Variants in SMIM14 observed in about 807,000 individuals in gnomAD.
SMIM14 encodes the protein small integral membrane protein 14, also known as chromosome 4 open reading frame 34.
Under a neutral mutation model 12.6 loss-of-function variants are expected in SMIM14, and 5 were observed. The ratio of observed to expected loss-of-function variants is 0.40; its 90% confidence interval spans 0.21 to 0.83. The LOEUF is 0.83. Among genes scored for constraint, SMIM14 ranks in the 40% least tolerant of loss-of-function variants. SMIM14 has a pLI of 0.37. For missense variants in SMIM14, 86 were observed against 119.1 expected (o/e 0.72, Z 1.29); for synonymous variants, 30 against 40.1 (o/e 0.75, Z 0.95).
chr4:39,623,976 T>C (rs1306665305), intron 1 of SMIM14, among the ~76,000 whole-genome samples: 2 of 152,132 alleles, frequency 1.3e-5, no homozygotes, highest in Non-Finnish European at 2.9e-5. Flanking sequence ...TTTAAAAAAA[T>C]AGAACGTATG....
intron 1 of SMIM14, among the ~76,000 whole-genome samples, chr4:39,609,089 G>T (rs1714922517): frequency 6.6e-6 from 1 of 152,104 alleles, no homozygotes; most frequent in Admixed American, 6.6e-5. Context: ...CCATTCTCCT[G>T]CCTCAGCCTC....
At chr4:39,615,699 T>A (rs1033603609) in intron 1 of SMIM14, among the ~76,000 whole-genome samples, 13 of 152,028 alleles carry the variant, frequency 8.6e-5, no homozygotes, top group Non-Finnish European at 8.8e-5. Flanking sequence ...AATGATATTT[T>A]AAAAAAATAA....
intron 1 of SMIM14, among the ~76,000 whole-genome samples, chr4:39,619,675 AT>A: frequency 8.3e-6 from 1 of 121,184 alleles, no homozygotes; most frequent in African/African-American, 3.3e-5. Context: ...AATAAATATA[AT>A]TTATTCTATA....
chr4:39,617,794 G>A (rs995450324), intron 1 of SMIM14, among the ~76,000 whole-genome samples: 69 of 152,268 alleles, frequency 4.5e-4, no homozygotes, highest in Middle Eastern at 3.4e-3. Context: ...TCTAAACAAT[G>A]AAACAGTGTA....
chr4:39,617,611 C>A (rs1304636601), intron 1 of SMIM14, among the ~76,000 whole-genome samples: 1 of 152,116 alleles, frequency 6.6e-6, no homozygotes, highest in Non-Finnish European at 1.5e-5. Context: ...TAACCATATC[C>A]CATCATCAAT....
rs1491465219 is a variant in SMIM14, at chr4:39,576,685, T to TATATATATATATATA, written c.76-4223_76-4222insTATATATATATATAT. On this transcript the variant is annotated intron_variant, in intron 2 of 4. Coordinates refer to ENST00000295958, the MANE Select transcript of SMIM14 (RefSeq NM_174921.3). ...GTATATATATATATATATATATATA[T>TATATATATATATATA]TTTTTTTTTTTTTTTTTTTTTTTTT... is the stretch of plus-strand genomic sequence containing the variant. Among the ~76,000 whole-genome samples, 40 of 4,632 alleles carry TATATATATATATATA rather than the reference T, an allele frequency of 8.6e-3. 1 individual carries two copies. Among genetic ancestry groups the TATATATATATATATA allele is most frequent in the Admixed American group, 0.015 (3 of 194 alleles). 3.0% of individuals were successfully genotyped at this position (4,632 alleles called of 152,430 possible). A position where few individuals can be genotyped will look rare whatever the true frequency, so the allele number is the denominator to read the frequency against.
intron 1 of SMIM14, 72 bp from the exon 2 acceptor site, chr4:39,605,252 C>A (rs1461063638): frequency 1.3e-6 from 1 of 785,214 alleles, no homozygotes; most frequent in Non-Finnish European, 2.0e-6. Flanking sequence ...ATGAAAAATT[C>A]TGATATTGAT....
chr4:39,619,116 A>T (rs570927769), intron 1 of SMIM14, among the ~76,000 whole-genome samples: 36 of 151,006 alleles, frequency 2.4e-4, no homozygotes, highest in African/African-American at 8.5e-4. Context: ...GAGAAAATTG[A>T]GATATAATTA....
At chr4:39,628,315 A>G (rs2109254446) in intron 1 of SMIM14, among the ~76,000 whole-genome samples, 1 of 151,878 alleles carries the variant, frequency 6.6e-6, no homozygotes, top group East Asian at 1.9e-4. Flanking sequence ...ACAAAAAAAA[A>G]AAAAAGAAAA....
rs778978991 is a variant in SMIM14 at position 39,547,090 on chromosome 4, A to G, written c.*5036T>C. ...GAAATGTGACTGCAATCTAATTTCC[A>G]AGAGAGAAACTCTACTTCTGAATAC... On this transcript the variant is annotated 3_prime_UTR_variant, in exon 5 of 5. Coordinates refer to ENST00000295958, the MANE Select transcript of SMIM14 (RefSeq NM_174921.3). 6 of 152,224 alleles carry G rather than the reference A, an allele frequency of 3.9e-5. No individual in the cohort carries two copies. The highest frequency in any genetic ancestry group is 8.8e-5 in the Non-Finnish European group (6 of 68,026). The allele number at this position is 152,224 out of a possible 1,614,324, so 9.4% of individuals were successfully genotyped here.
chr4:39,605,190 A>G lies in SMIM14; in HGVS notation c.-35-10T>C. 6.7e-7 allele frequency: 1 copy of G among 1,492,628 alleles called. No homozygotes were observed. The highest frequency in any genetic ancestry group is 9.1e-7 in the Non-Finnish European group (1 of 1,100,036). The allele number at this position is 1,492,628 out of a possible 1,614,324, so 92.5% of individuals were successfully genotyped here. On this transcript the variant is annotated splice_polypyrimidine_tract_variant and intron_variant, in intron 1 of 4. Coordinates refer to ENST00000295958, the MANE Select transcript of SMIM14 (RefSeq NM_174921.3). Reference sequence around the variant, plus strand: ...ACTTGACTGTTTAAATCTAGGAGGAAGGAAAAAATACTGTTAAGTCTACAA... The same window carrying G: ...ACTTGACTGTTTAAATCTAGGAGGAGGGAAAAAATACTGTTAAGTCTACAA...
intron 1 of SMIM14, among the ~76,000 whole-genome samples, chr4:39,622,940 A>G (rs1658320321): frequency 6.6e-6 from 1 of 152,256 alleles, no homozygotes; most frequent in African/African-American, 2.4e-5. Context: ...ATGGCAAAAA[A>G]TAAATAAATC....
chr4:39,628,147 A>G (rs1715768280), intron 1 of SMIM14, among the ~76,000 whole-genome samples: 1 of 151,804 alleles, frequency 6.6e-6, no homozygotes, highest in East Asian at 1.9e-4. Context: ...CCTCGACTAA[A>G]AATACAAAAA....
rs530012194 is a variant in SMIM14 at position 39,616,126 on chromosome 4, C to T, written c.-35-10946G>A. Among the ~76,000 whole-genome samples, 3 of 152,146 alleles carry T rather than the reference C, an allele frequency of 2.0e-5. No homozygotes were observed. The South Asian group carries it at 6.2e-4, about 32-fold the overall frequency. Reference sequence around the variant, plus strand: ...ATCCCTGAAAAGGGTTAAATATTCCCAATTTTGTTGTTGTTGTTGTTATTT... The same window carrying T: ...ATCCCTGAAAAGGGTTAAATATTCCTAATTTTGTTGTTGTTGTTGTTATTT... On this transcript the variant is annotated intron_variant, in intron 1 of 4. Transcript: ENST00000295958.
At chr4:39,562,453 T>G (rs899846371) in intron 3 of SMIM14, among the ~76,000 whole-genome samples, 17 of 152,160 alleles carry the variant, frequency 1.1e-4, no homozygotes, top group Non-Finnish European at 7.3e-5. Context: ...ATCAATGTGG[T>G]AACTCAGTTT....
At chr4:39,611,846 A>G (rs1715047549) in intron 1 of SMIM14, 1 of 152,200 alleles carries the variant, frequency 6.6e-6, no homozygotes, top group African/African-American at 2.4e-5. Flanking sequence ...TACAGCTGTT[A>G]GAAAGAATAA....
intron 1 of SMIM14, among the ~76,000 whole-genome samples, chr4:39,623,974 A>G (rs886150669): frequency 6.6e-6 from 1 of 152,234 alleles, no homozygotes; most frequent in African/African-American, 2.4e-5. Context: ...AGTTTAAAAA[A>G]ATAGAACGTA....
intron 1 of SMIM14, among the ~76,000 whole-genome samples, chr4:39,636,944 G>A (rs759169768): frequency 1.1e-4 from 16 of 152,108 alleles, no homozygotes; most frequent in Non-Finnish European, 1.9e-4. Context: ...ACTGAAACTC[G>A]GGAAACCCCT....
At chr4:39,595,323 A>G (rs1714307651) in intron 2 of SMIM14, among the ~76,000 whole-genome samples, 1 of 145,536 alleles carries the variant, frequency 6.9e-6, no homozygotes, top group African/African-American at 2.6e-5. Context: ...CAAACACCGC[A>G]TATTCTCACT....
Sources: gnomAD v4.1 joint callset for allele counts (sites outside exome capture counted in the v4.1 genomes callset) on GRCh38, gnomAD v4.1.1 for gene constraint, MANE v1.5 for transcripts, NCBI Gene and HGNC (gene_info 2026-07-23, HGNC 2026-07-21) for gene names.